Variants in TGM6 observed in about 807,000 individuals in gnomAD.
TGM6 encodes transglutaminase 6.
Under a neutral mutation model 77.5 loss-of-function variants are expected in TGM6, and 74 were observed. The ratio of observed to expected loss-of-function variants is 0.96; its 90% CI spans 0.79 to 1.16. The LOEUF is 1.16. Among genes scored for constraint, TGM6 ranks in the 50% most tolerant of loss-of-function variants. The pLI is 0.00. For missense variants in TGM6, 968 were observed against 940.2 expected (o/e 1.03, Z -0.39); for synonymous variants, 383 against 378.9 (o/e 1.01, Z -0.12).
rs76505460 is a variant in TGM6 at position 2,388,247 on chromosome 20, T to G, written c.8-6205T>G. Among the ~76,000 whole-genome samples the G allele has an allele frequency of 9.5e-3, 1,453 of 152,292 alleles. 29 individuals carry two copies. Among genetic ancestry groups the G allele is most frequent in the African/African-American group, 0.032 (1,326 of 41,538 alleles). ...GCCACATGCTGTTAACTAAAAGATTTTACAAAGATGCTGGAATCTTTAAAA... is the reference window on the plus strand; with the variant it reads ...GCCACATGCTGTTAACTAAAAGATTGTACAAAGATGCTGGAATCTTTAAAA... On this transcript the variant is annotated intron_variant, in intron 1 of 12. Transcript: ENST00000202625.
intron 1 of TGM6, among the ~76,000 whole-genome samples, chr20:2,384,993 C>G (rs1282177351): frequency 6.6e-6 from 1 of 152,198 alleles, no homozygotes; most frequent in Non-Finnish European, 1.5e-5. Flanking sequence ...GGTTCACTGT[C>G]AACTGGAGCA....
At chr20:2,402,925 A>C (rs1474074057) in intron 7 of TGM6, among the ~76,000 whole-genome samples, 1 of 152,058 alleles carries the variant, frequency 6.6e-6, no homozygotes, top group Non-Finnish European at 1.5e-5. Context: ...TTCTTTCTAG[A>C]ATATTGTTCC....
At chr20:2,395,829 A>G (rs1193524176) in intron 3 of TGM6, among the ~76,000 whole-genome samples, 1 of 152,246 alleles carries the variant, frequency 6.6e-6, no homozygotes, top group Middle Eastern at 3.2e-3. Flanking sequence ...CTTGTAATGT[A>G]TGAGATACAT....
chr20:2,386,809 AG>A (rs200409834), intron 1 of TGM6, among the ~76,000 whole-genome samples: 2,902 of 152,190 alleles, frequency 0.019, 38 homozygotes, highest in Non-Finnish European at 0.028. Flanking sequence ...GTGGCAGGGA[AG>A]GGGGGAAACC....
chr20:2,388,982 T>C (rs1026959926), intron 1 of TGM6, among the ~76,000 whole-genome samples: 1 of 152,182 alleles, frequency 6.6e-6, no homozygotes, highest in African/African-American at 2.4e-5. Flanking sequence ...CTCAATATTC[T>C]TTTTACAATG....
chr20:2,432,372 A>T, intron 12 of TGM6, 118 bp from the exon 13 acceptor site: 2 of 1,309,224 alleles, frequency 1.5e-6, no homozygotes, highest in Non-Finnish European at 2.2e-6. Context: ...TAAGGCTTGA[A>T]TGTCAAGCCA....
intron 3 of TGM6, among the ~76,000 whole-genome samples, 199 bp from the exon 4 acceptor site, chr20:2,396,307 C>T (rs760532430): frequency 2.0e-5 from 3 of 152,126 alleles, no homozygotes; most frequent in Non-Finnish European, 4.4e-5. Context: ...TGGGATTGGT[C>T]CCTGCTTGGT....
chr20:2,390,443 C>T (rs1159183464), intron 1 of TGM6, among the ~76,000 whole-genome samples: 1 of 152,254 alleles, frequency 6.6e-6, no homozygotes, highest in Non-Finnish European at 1.5e-5. Context: ...ACAGACTCCA[C>T]TCCAGCCCTT....
intron 2 of TGM6, 41 bp downstream of exon 2, chr20:2,394,666 G>A: frequency 6.4e-7 from 1 of 1,573,134 alleles, no homozygotes; most frequent in Admixed American, 1.8e-5. Context: ...TCTGCAGCTG[G>A]AGGGACCTGT....
intron 9 of TGM6, among the ~76,000 whole-genome samples, chr20:2,407,031 T>C (rs2084757171): frequency 6.6e-6 from 1 of 152,078 alleles, no homozygotes; most frequent in African/African-American, 2.4e-5. Flanking sequence ...GAGACACTAG[T>C]ACAAAGTTTA....
At chr20:2,406,831 C>CAAAAAAAAAAAAAAAAAAAAA (rs3050731) in intron 9 of TGM6, among the ~76,000 whole-genome samples, 7 of 63,688 alleles carry the variant, frequency 1.1e-4, no homozygotes, top group African/African-American at 1.8e-4. Flanking sequence ...CGAAACTCCT[C>CAAAAAAAAAAAAAAAAAAAAA]AAAAAAAAAA....
chr20:2,388,620 C>T (rs1228313024), intron 1 of TGM6, among the ~76,000 whole-genome samples: 1 of 58,810 alleles, frequency 1.7e-5, no homozygotes, highest in Admixed American at 1.5e-4. Context: ...TAAAAACAAA[C>T]AAACAAACAA....
chr20:2,395,982 A>G (rs548101112), intron 3 of TGM6, among the ~76,000 whole-genome samples: 2 of 152,224 alleles, frequency 1.3e-5, no homozygotes, highest in Admixed American at 1.3e-4. Flanking sequence ...GGAGTTCAAG[A>G]CCAGCCTGAC....
At chr20:2,413,604 A>T (rs901955079) in intron 9 of TGM6, among the ~76,000 whole-genome samples, 1 of 152,218 alleles carries the variant, frequency 6.6e-6, no homozygotes. Context: ...AGTCTTTTCA[A>T]CAAATGGTGT....
At chr20:2,395,838 A>G (rs189748886) in intron 3 of TGM6, among the ~76,000 whole-genome samples, 4 of 152,348 alleles carry the variant, frequency 2.6e-5, no homozygotes, top group African/African-American at 9.6e-5. Flanking sequence ...TATGAGATAC[A>G]TCATAAGGCC....
At chr20:2,406,492 CAAAA>C (rs10626077) in intron 9 of TGM6, among the ~76,000 whole-genome samples, 1 of 131,068 alleles carries the variant, frequency 7.6e-6, no homozygotes, top group Admixed American at 7.6e-5. Flanking sequence ...GACCCTGTCT[CAAAA>C]AAAAAAAAAA....
In TGM6 at chr20:2,382,381, T is replaced by C. The variant is rs1339024589; in HGVS notation, c.7+1406T>C. Among the ~76,000 whole-genome samples, 3 of 152,190 alleles carry C rather than the reference T, an allele frequency of 2.0e-5. No individual in the cohort carries two copies. In the East Asian group the frequency reaches 5.8e-4, roughly 29 times the overall value. ...GGGGATTGCCTTTGTTCCTCCAAGATCTGCTTCTCAAAGTTCACCTAGATG... is the reference window on the plus strand; with the variant it reads ...GGGGATTGCCTTTGTTCCTCCAAGACCTGCTTCTCAAAGTTCACCTAGATG... On this transcript the variant is annotated intron_variant, in intron 1 of 12. Coordinates refer to ENST00000202625, the MANE Select transcript of TGM6 (RefSeq NM_198994.3).
chr20:2,394,303 A>G (rs1599947113), intron 1 of TGM6, 149 bp from the exon 2 acceptor site: 1 of 997,358 alleles, frequency 1.0e-6, no homozygotes, highest in East Asian at 2.6e-5. Context: ...CAAAACAAAC[A>G]AACAAACAAA....
At chr20:2,405,783 C>T (rs2084746401) in intron 9 of TGM6, among the ~76,000 whole-genome samples, 1 of 152,200 alleles carries the variant, frequency 6.6e-6, no homozygotes, top group East Asian at 1.9e-4. Context: ...GCCCCCAACC[C>T]TAACCTCCAC....
Sources: allele counts gnomAD v4.1 joint callset (sites outside exome capture counted in the v4.1 genomes callset), GRCh38; gene constraint gnomAD v4.1.1; transcripts MANE v1.5; gene names NCBI Gene and HGNC (gene_info 2026-07-23, HGNC 2026-07-21).